KIAA0586: variants seen among roughly 807,000 people sequenced by gnomAD.
KIAA0586 encodes the protein protein TALPID3.
Under a neutral mutation model 169.8 loss-of-function variants are expected in KIAA0586, and 144 were observed. The observed-to-expected ratio is 0.85, with a 90% confidence interval of 0.74 to 0.97. The LOEUF (loss-of-function observed/expected upper bound fraction) is 0.97. Ranked by LOEUF, KIAA0586 falls within the 50% of genes least tolerant of loss-of-function variation. KIAA0586 has a pLI of 0.00. For missense variants in KIAA0586, 1,854 were observed against 1,823.0 expected, an observed-to-expected ratio of 1.02 and a Z score of -0.31; for synonymous variants, 625 against 612.4, an observed-to-expected ratio of 1.02 and a Z score of -0.30.
chr14:58,471,941 A>G (rs1435464673), intron 17 of KIAA0586, among the ~76,000 whole-genome samples: 1 of 152,162 alleles, frequency 6.6e-6, no homozygotes, highest in Non-Finnish European at 1.5e-5. Context: ...CTGTTGATCA[A>G]TTAAGTGATA....
In KIAA0586 at chr14:58,427,989, T is replaced by A. The variant is rs568062192; in HGVS notation, c.-276T>A. ...TCTGGGGTTGGGGAGTGCACTGTTA[T>A]GGTTATTGTTGCTCCTGTGGCCATT... is the stretch of plus-strand genomic sequence containing the variant. On this transcript the variant is annotated 5_prime_UTR_variant, in exon 1 of 31. It removes an upstream start codon present in the reference 5' UTR. Transcript: ENST00000652326. 47 of 1,422,280 alleles carry A rather than the reference T, an allele frequency of 3.3e-5. No individual in the cohort carries two copies. Among genetic ancestry groups the A allele is most frequent in the Non-Finnish European group, 8.2e-6 (9 of 1,094,846 alleles). 88.1% of individuals were successfully genotyped at this position (1,422,280 alleles called of 1,614,324 possible).
intron 6 of KIAA0586, among the ~76,000 whole-genome samples, chr14:58,445,116 C>A (rs566172018): frequency 6.9e-4 from 101 of 147,342 alleles, no homozygotes; most frequent in Non-Finnish European, 1.2e-3. Flanking sequence ...TATATACACA[C>A]ACACATACAT....
intron 26 of KIAA0586, among the ~76,000 whole-genome samples, chr14:58,493,286 T>C (rs1049905581): frequency 1.3e-5 from 2 of 152,170 alleles, no homozygotes; most frequent in East Asian, 3.8e-4. Flanking sequence ...TGGGTGATTA[T>C]AGAGTTGTTG....
intron 29 of KIAA0586, among the ~76,000 whole-genome samples, chr14:58,528,759 T>C (rs1276955381): frequency 6.6e-6 from 1 of 152,110 alleles, no homozygotes; most frequent in East Asian, 1.9e-4. Context: ...GCAGGAAAGA[T>C]CTAAAATTGG....
intron 9 of KIAA0586, among the ~76,000 whole-genome samples, chr14:58,456,233 T>G (rs915952764): frequency 2.0e-5 from 3 of 152,112 alleles, no homozygotes; most frequent in Admixed American, 2.0e-4. Context: ...TTAAAAAAAT[T>G]CCATAAAGCT....
chr14:58,433,220 C>G (rs2037527976), intron 4 of KIAA0586: 1 of 152,148 alleles, frequency 6.6e-6, no homozygotes, highest in Non-Finnish European at 1.5e-5. Context: ...GCACACACTA[C>G]CACGCCTGGC....
upstream of KIAA0586, chr14:58,427,409 A>G: frequency 1.8e-6 from 1 of 570,420 alleles, no homozygotes; most frequent in Non-Finnish European, 3.1e-6. Flanking sequence ...CACGTCCCTA[A>G]CGGTCTTCGG....
intron 15 of KIAA0586, 106 bp from the exon 16 acceptor site, chr14:58,467,629 G>C (rs1347552433): frequency 1.3e-6 from 1 of 794,332 alleles, no homozygotes; most frequent in Non-Finnish European, 2.0e-6. Flanking sequence ...TGTCAGATAG[G>C]GCTTTTTTAA....
At chr14:58,526,886 TG>T (rs2045621261) in intron 29 of KIAA0586, among the ~76,000 whole-genome samples, 1 of 152,160 alleles carries the variant, frequency 6.6e-6, no homozygotes, top group Non-Finnish European at 1.5e-5. Context: ...CTGAGTATAT[TG>T]CCTTAATCAG....
intron 6 of KIAA0586, among the ~76,000 whole-genome samples, chr14:58,447,226 T>G (rs917643526): frequency 1.3e-5 from 2 of 152,136 alleles, no homozygotes; most frequent in Non-Finnish European, 2.9e-5. Flanking sequence ...TCAACACACT[T>G]TTAGAAATTC....
At chr14:58,494,380 G>A (rs1176816516) in intron 26 of KIAA0586, among the ~76,000 whole-genome samples, 4 of 143,630 alleles carry the variant, frequency 2.8e-5, no homozygotes, top group African/African-American at 1.0e-4. Flanking sequence ...CCTACTCTGT[G>A]TCTGTCTGTC....
chr14:58,555,953 T>A (rs1026446036), downstream of KIAA0586, among the ~76,000 whole-genome samples: 1 of 152,262 alleles, frequency 6.6e-6, no homozygotes, highest in African/African-American at 2.4e-5. Flanking sequence ...GCATTGTCAT[T>A]GGTTTTCAGT....
At chr14:58,501,025 A>G (rs1326717872) in intron 27 of KIAA0586, among the ~76,000 whole-genome samples, 2 of 152,264 alleles carry the variant, frequency 1.3e-5, no homozygotes, top group Admixed American at 6.5e-5. Context: ...TAGCGAGTAG[A>G]TAAATTTGCA....
chr14:58,509,993 C>T (rs1163094802), intron 28 of KIAA0586, among the ~76,000 whole-genome samples: 6 of 152,126 alleles, frequency 3.9e-5, no homozygotes, highest in African/African-American at 1.4e-4. Flanking sequence ...ATTAAGAAAA[C>T]AAACAATCCA....
Position 58,466,054 on chromosome 14 carries a change from A to G in KIAA0586, c.2254+25A>G, listed in dbSNP as rs1743716. The stretch of plus-strand genomic sequence containing the variant: ...GGTAAGAATCAACAAAATATGTGGG[A>G]TGGATTTTATTTTATTTATTTATTT... On this transcript the variant is annotated intron_variant, in intron 15 of 30. Coordinates refer to ENST00000652326, the MANE Select transcript of KIAA0586 (RefSeq NM_001329943.3). 1,440,430 of 1,447,580 alleles carry G rather than the reference A, an allele frequency of 1. 716,855 individuals carry two copies. Among genetic ancestry groups the G allele is most frequent in the Non-Finnish European group, 1 (1,040,536 of 1,040,818 alleles). The allele number at this position is 1,447,580 out of a possible 1,614,324, so 89.7% of individuals were successfully genotyped here.
intron 16 of KIAA0586, among the ~76,000 whole-genome samples, chr14:58,468,786 T>C (rs940490899): frequency 1.3e-5 from 2 of 152,220 alleles, no homozygotes; most frequent in African/African-American, 4.8e-5. Context: ...TTTTGGCTGA[T>C]TTACTCCAAC....
chr14:58,555,291 G>A (rs768887840), downstream of KIAA0586, among the ~76,000 whole-genome samples: 5 of 151,820 alleles, frequency 3.3e-5, no homozygotes, highest in Non-Finnish European at 5.9e-5. Flanking sequence ...AGTAGAGACA[G>A]CGTTTCACCA....
intron 27 of KIAA0586, among the ~76,000 whole-genome samples, chr14:58,502,059 A>C (rs1056806036): frequency 4.6e-5 from 7 of 152,198 alleles, no homozygotes; most frequent in Non-Finnish European, 4.4e-5. Flanking sequence ...TAACCAGTCC[A>C]TAGGGCCGTG....
chr14:58,471,931 C>G (rs1380567876), intron 17 of KIAA0586, among the ~76,000 whole-genome samples: 1 of 152,084 alleles, frequency 6.6e-6, no homozygotes, highest in Admixed American at 6.5e-5. Context: ...TTATATCAAC[C>G]TGTTGATCAA....
Sources: gnomAD v4.1 joint callset for allele counts (sites outside exome capture counted in the v4.1 genomes callset) on GRCh38, gnomAD v4.1.1 for gene constraint, MANE v1.5 for transcripts, NCBI Gene and HGNC (gene_info 2026-07-23, HGNC 2026-07-21) for gene names.